The following SAMMSON variants were observed in gnomAD, a reference collection of about 807,000 sequenced individuals.
SAMMSON encodes survival associated mitochondrial melanoma specific oncogenic non-coding RNA.
intron 4 of SAMMSON, among the ~76,000 whole-genome samples, chr3:70,240,572 C>T (rs905548351): frequency 6.6e-6 from 1 of 152,180 alleles, no homozygotes; most frequent in African/African-American, 2.4e-5. Context: ...TTAATTCTGA[C>T]ACCAGACTGT....
intron 2 of SAMMSON, among the ~76,000 whole-genome samples, chr3:70,420,560 A>T (rs1217274346): frequency 2.0e-5 from 3 of 152,234 alleles, no homozygotes; most frequent in Non-Finnish European, 4.4e-5. Context: ...AATGATTAGA[A>T]AAAACAGACT....
chr3:70,424,080 C>T (rs1282264629), intron 2 of SAMMSON, among the ~76,000 whole-genome samples: 1 of 152,026 alleles, frequency 6.6e-6, no homozygotes, highest in Non-Finnish European at 1.5e-5. Flanking sequence ...CAATTGATTT[C>T]CATTGTGTAG....
At chr3:70,063,529 C>T (rs1158202545) in intron 3 of SAMMSON, among the ~76,000 whole-genome samples, 1 of 152,110 alleles carries the variant, frequency 6.6e-6, no homozygotes, top group East Asian at 1.9e-4. Flanking sequence ...TGTGCCTCCT[C>T]TGCAAACATA....
intron 4 of SAMMSON, among the ~76,000 whole-genome samples, chr3:70,096,526 A>G (rs182614993): frequency 4.4e-4 from 67 of 152,332 alleles, no homozygotes; most frequent in Middle Eastern, 3.4e-3. Flanking sequence ...CCTAGGCCAC[A>G]GAGTGAGCCC....
intron 3 of SAMMSON, among the ~76,000 whole-genome samples, chr3:70,024,310 G>T (rs1474724092): frequency 6.6e-6 from 1 of 152,080 alleles, no homozygotes; most frequent in Non-Finnish European, 1.5e-5. Flanking sequence ...TATCTTCTCT[G>T]TTTTTACAAA....
intron 7 of SAMMSON, among the ~76,000 whole-genome samples, chr3:70,345,712 C>T (rs1702744726): frequency 6.6e-6 from 1 of 152,136 alleles, no homozygotes; most frequent in South Asian, 2.1e-4. Context: ...TTTGCCTATT[C>T]CAGAATATCA....
intron 3 of SAMMSON, among the ~76,000 whole-genome samples, chr3:70,057,508 A>G (rs1429475068): frequency 1.3e-5 from 2 of 152,044 alleles, no homozygotes; most frequent in African/African-American, 4.8e-5. Context: ...ACAGCATTAG[A>G]ATCTTTTGAA....
intron 3 of SAMMSON, among the ~76,000 whole-genome samples, chr3:70,039,677 T>G (rs1292046697): frequency 6.6e-6 from 1 of 150,404 alleles, no homozygotes; most frequent in Non-Finnish European, 1.5e-5. Flanking sequence ...TAGTGAACCC[T>G]AATATGCCTA....
intron 5 of SAMMSON, chr3:70,249,584 A>G (rs941053491): frequency 2.0e-5 from 3 of 151,982 alleles, no homozygotes; most frequent in Non-Finnish European, 4.4e-5. Context: ...CTTAAAATAT[A>G]TCATTGCAGG....
At chr3:70,361,541 G>C (rs1375305064) in intron 9 of SAMMSON, among the ~76,000 whole-genome samples, 1 of 152,156 alleles carries the variant, frequency 6.6e-6, no homozygotes, top group Non-Finnish European at 1.5e-5. Context: ...TCTCGCTGCA[G>C]CATCTGCATT....
At chr3:70,234,147 G>A (rs1045138352) in intron 4 of SAMMSON, among the ~76,000 whole-genome samples, 10 of 152,144 alleles carry the variant, frequency 6.6e-5, no homozygotes, top group African/African-American at 2.2e-4. Context: ...GTGGGATGTG[G>A]ACAACTACTT....
At chr3:70,282,238 G>C (rs1251070577) in intron 6 of SAMMSON, among the ~76,000 whole-genome samples, 1 of 152,128 alleles carries the variant, frequency 6.6e-6, no homozygotes, top group Non-Finnish European at 1.5e-5. Flanking sequence ...TTGGCTTTCT[G>C]TGCAGTGAGC....
intron 3 of SAMMSON, among the ~76,000 whole-genome samples, chr3:70,054,869 T>C (rs2067161472): frequency 6.6e-6 from 1 of 152,122 alleles, no homozygotes. Context: ...GCCAGATCTT[T>C]TTAATTTTTC....
intron 2 of SAMMSON, among the ~76,000 whole-genome samples, chr3:70,407,291 A>G (rs556351498): frequency 1.3e-5 from 2 of 152,302 alleles, no homozygotes; most frequent in Non-Finnish European, 2.9e-5. Context: ...AAAACCAATC[A>G]TACTTTCCCA....
At chr3:70,243,100 T>C (rs1189918409) in intron 4 of SAMMSON, among the ~76,000 whole-genome samples, 1 of 152,212 alleles carries the variant, frequency 6.6e-6, no homozygotes, top group Non-Finnish European at 1.5e-5. Context: ...ATCTTTCTCC[T>C]GCCTCTTAAT....
intron 3 of SAMMSON, among the ~76,000 whole-genome samples, chr3:70,056,508 T>C (rs1174120032): frequency 2.6e-5 from 4 of 151,900 alleles, no homozygotes; most frequent in African/African-American, 4.8e-5. Context: ...ACCTGTCCCC[T>C]TTTCCAATTT....
At chr3:70,362,575 C>G (rs1702880950) in intron 9 of SAMMSON, among the ~76,000 whole-genome samples, 1 of 150,282 alleles carries the variant, frequency 6.7e-6, no homozygotes, top group African/African-American at 2.5e-5. Context: ...AAGGCAGAGA[C>G]TGAGTCTGGT....
intron 3 of SAMMSON, among the ~76,000 whole-genome samples, chr3:70,021,716 G>T (rs556838941): frequency 7.2e-5 from 11 of 152,016 alleles, no homozygotes; most frequent in African/African-American, 2.4e-4. Context: ...TTATTATTTT[G>T]GGATTGTTTT....
In SAMMSON at chr3:70,200,802, A is replaced by G. The variant is rs1701229732; in HGVS notation, n.508-48305A>G. On this transcript the variant is annotated intron_variant and non_coding_transcript_variant, in intron 4 of 9. Transcript: ENST00000642114. ...TTTTTAGATGCAAGGACTAAGGTTC[A>G]GGGATTGTTTCTGACTGTCCTAAAT... Among the ~76,000 whole-genome samples, 6 of 152,296 alleles carry G rather than the reference A, an allele frequency of 3.9e-5. No individual in the cohort carries two copies. In the South Asian group the frequency reaches 1.2e-3, roughly 32 times the overall value.
Sources: allele counts gnomAD v4.1 joint callset (sites outside exome capture counted in the v4.1 genomes callset), GRCh38; gene constraint gnomAD v4.1.1; transcripts MANE v1.5; gene names NCBI Gene and HGNC (gene_info 2026-07-23, HGNC 2026-07-21).